Variants in ZP3 observed in about 807,000 individuals in gnomAD.
The protein encoded by ZP3 is zona pellucida glycoprotein 3, also known as zona pellucida sperm-binding protein 3.
In ZP3, 21 loss-of-function variants were observed where a neutral mutation model predicts 35.6. The observed-to-expected ratio is 0.59, with a 90% CI of 0.42 to 0.85. The LOEUF (loss-of-function observed/expected upper bound fraction) is 0.85. ZP3 is among the 40% of genes least tolerant of loss of function. The pLI is 0.00. For missense variants in ZP3, 437 were observed against 536.5 expected, an observed-to-expected ratio of 0.81 and a Z score of 1.83; for synonymous variants, 207 against 214.5, an observed-to-expected ratio of 0.96 and a Z score of 0.31.
In ZP3 at chr7:76,429,552, T is replaced by A. The variant is rs1364247367; in HGVS notation, c.350T>A (p.Leu117His). The change falls in exon 2 of 8, where the codon CTC becomes CAC. Residue 117 changes from leucine to histidine, a missense_variant. Physicochemically the swap from Leu to His is moderately conservative, Grantham distance 99. Transcript: ENST00000394857. ...DDALVYSTFLLHDPRPVGNLS... is the reference protein window; with the variant it reads ...DDALVYSTFLHHDPRPVGNLS... ...GCCCTGGTGTACAGCACCTTCCTGC[T>A]CCATGACCCCCGCCCCGTGGGAAAC... 1 of 1,613,870 alleles carries A rather than the reference T, an allele frequency of 6.2e-7. No homozygotes were observed. Among genetic ancestry groups the A allele is most frequent in the Non-Finnish European group, 8.5e-7 (1 of 1,179,962 alleles).
At chr7:76,419,563 T>C (rs2115862824) in intron 1 of ZP3, among the ~76,000 whole-genome samples, 1 of 152,272 alleles carries the variant, frequency 6.6e-6, no homozygotes, top group East Asian at 1.9e-4. Flanking sequence ...AATATGTTTT[T>C]ATATCTGTTA....
At chr7:76,406,297 A>G (rs1282631563) in intron 1 of ZP3, among the ~76,000 whole-genome samples, 1 of 152,082 alleles carries the variant, frequency 6.6e-6, no homozygotes, top group Non-Finnish European at 1.5e-5. Context: ...GAAATATAGT[A>G]TTGGTGCCAC....
upstream of ZP3, among the ~76,000 whole-genome samples, chr7:76,424,236 C>T (rs1047289715): frequency 6.6e-6 from 1 of 152,134 alleles, no homozygotes; most frequent in Admixed American, 6.6e-5. Flanking sequence ...AGCAGGGGAT[C>T]GGAGGGAAGC....
Position 76,433,512 on chromosome 7 carries a change from G to C in ZP3, c.578G>C (p.Gly193Ala), listed in dbSNP as rs1805899500. The stretch of plus-strand genomic sequence containing the variant: ...AAGAGGTCCCCCACCTTCCACCTGG[G>C]AGATGCAGCCCACCTCCAGGCAGAA... ...AEKRSPTFHL[G>A]DAAHLQAEIH... The change falls in exon 4 of 8, where the codon GGA becomes GCA. Residue 193 changes from glycine to alanine, a missense_variant. Physicochemically the swap from Gly to Ala is moderately conservative, Grantham distance 60 (BLOSUM62 0). Transcript: ENST00000394857. 6.2e-7 allele frequency: 1 copy of C among 1,614,050 alleles called. No individual in the cohort carries two copies. The highest frequency in any genetic ancestry group is 8.5e-7 in the Non-Finnish European group (1 of 1,179,998).
intron 1 of ZP3, among the ~76,000 whole-genome samples, chr7:76,405,075 GA>G (rs1233887142): frequency 2.7e-5 from 4 of 149,212 alleles, no homozygotes; most frequent in Admixed American, 6.7e-5. Flanking sequence ...GCCTCAAAAA[GA>G]AAAAAATTAA....
At chr7:76,440,941 G>A (rs1460351631) in intron 7 of ZP3, among the ~76,000 whole-genome samples, 1 of 152,162 alleles carries the variant, frequency 6.6e-6, no homozygotes, top group Admixed American at 6.5e-5. Flanking sequence ...GGAGGCCAAG[G>A]CGGGCAGGTC....
intron 1 of ZP3, among the ~76,000 whole-genome samples, chr7:76,398,356 C>G: frequency 6.8e-6 from 1 of 148,080 alleles, no homozygotes; most frequent in East Asian, 2.0e-4. Flanking sequence ...GTCCCCCAGG[C>G]TAGAGTACAG....
chr7:76,427,470 C>A (rs1389731873), intron 1 of ZP3, among the ~76,000 whole-genome samples: 1 of 144,328 alleles, frequency 6.9e-6, no homozygotes, highest in East Asian at 2.1e-4. Context: ...GAGTTGAGAT[C>A]GTGCCACTGC....
chr7:76,423,570 T>C (rs142537732), upstream of ZP3, among the ~76,000 whole-genome samples: 286 of 152,220 alleles, frequency 1.9e-3, 2 homozygotes, highest in African/African-American at 6.7e-3. Context: ...TGTTTCCACA[T>C]GATGATGTCA....
intron 4 of ZP3, 38 bp downstream of exon 4, chr7:76,433,685 C>A (rs1283224094): frequency 2.6e-6 from 4 of 1,558,448 alleles, no homozygotes; most frequent in Non-Finnish European, 2.6e-6. Flanking sequence ...ACCTTCCTAG[C>A]AAAATGACCC....
At position 76,432,119 on chromosome 7, in the gene ZP3, C is replaced by T. The variant is rs1339836034; in HGVS notation, c.432-808C>T. Among the ~76,000 whole-genome samples, 3 of 151,942 alleles carry T rather than the reference C, an allele frequency of 2.0e-5. No homozygotes were observed. The South Asian group carries it at 6.2e-4, about 31-fold the overall frequency. ...TTCACTGCAGCCTTGACCTCCTGGGCTCAAGCAATCCTCCCATCTCAGCCT... is the reference window on the plus strand; with the variant it reads ...TTCACTGCAGCCTTGACCTCCTGGGTTCAAGCAATCCTCCCATCTCAGCCT... On this transcript the variant is annotated intron_variant, in intron 2 of 7. Coordinates refer to ENST00000394857, the MANE Select transcript of ZP3 (RefSeq NM_001110354.2).
At chr7:76,427,158 A>G (rs1347502999) in intron 1 of ZP3, among the ~76,000 whole-genome samples, 2 of 152,134 alleles carry the variant, frequency 1.3e-5, no homozygotes, top group Non-Finnish European at 2.9e-5. Context: ...GGTGACTCCA[A>G]TGAGGAGCAA....
chr7:76,416,857 T>C (rs906379519), intron 1 of ZP3, among the ~76,000 whole-genome samples: 1 of 148,918 alleles, frequency 6.7e-6, no homozygotes, highest in Non-Finnish European at 1.5e-5. Context: ...CACACATACA[T>C]ATATATACAC....
chr7:76,412,503 C>T (rs532785056), intron 1 of ZP3, among the ~76,000 whole-genome samples: 1 of 152,270 alleles, frequency 6.6e-6, no homozygotes, highest in African/African-American at 2.4e-5. Flanking sequence ...CAGAACTATA[C>T]ACACACCTTG....
chr7:76,425,115 C>T lies in ZP3; in HGVS notation c.151C>T (p.Leu51=), dbSNP rs1584055722. The T allele has an allele frequency of 1.2e-6, 2 of 1,613,970 alleles. No individual in the cohort carries two copies. Among genetic ancestry groups the T allele is most frequent in the Non-Finnish European group, 1.7e-6 (2 of 1,180,024 alleles). ...PVLVECQEAT[L]MVMVSKDLFG... is the part of the protein sequence containing the mutation. ...ACTGGTGGAGTGTCAGGAGGCCACT[C>T]TGATGGTCATGGTCAGCAAAGACCT... Residue 51 remains leucine, a synonymous_variant, in exon 1 of 8, where the codon CTG becomes TTG. Transcript: ENST00000394857.
At chr7:76,411,171 G>T (rs758313333) in intron 1 of ZP3, among the ~76,000 whole-genome samples, 4 of 151,346 alleles carry the variant, frequency 2.6e-5, no homozygotes, top group Non-Finnish European at 5.9e-5. Context: ...TCATCTCAGG[G>T]ACCTCTTTCC....
At chr7:76,427,836 C>T (rs954407178) in intron 1 of ZP3, among the ~76,000 whole-genome samples, 7 of 152,254 alleles carry the variant, frequency 4.6e-5, no homozygotes, top group African/African-American at 1.4e-4. Context: ...GCACATGCCA[C>T]CGTGCCCAGC....
chr7:76,436,410 A>G (rs1297050516), intron 5 of ZP3, among the ~76,000 whole-genome samples: 5 of 152,256 alleles, frequency 3.3e-5, no homozygotes, highest in Admixed American at 6.5e-5. Flanking sequence ...AAATGCATCA[A>G]AAGCCACTTA....
At chr7:76,430,949 G>T (rs1288727193) in intron 2 of ZP3, among the ~76,000 whole-genome samples, 2 of 152,224 alleles carry the variant, frequency 1.3e-5, no homozygotes, top group South Asian at 4.1e-4. Context: ...CATGCAGCCT[G>T]GGGGCTGGAG....
Sources: gnomAD v4.1 joint callset for allele counts (sites outside exome capture counted in the v4.1 genomes callset) on GRCh38, gnomAD v4.1.1 for gene constraint, MANE v1.5 for transcripts, NCBI Gene and HGNC (gene_info 2026-07-23, HGNC 2026-07-21) for gene names.